PAWR: variants seen among roughly 807,000 people sequenced by gnomAD.
PAWR encodes pro-apoptotic WT1 regulator.
PAWR carries 23 observed loss-of-function variants against 32.0 expected under a neutral mutation model. That is an observed-to-expected ratio of 0.72 (90% CI 0.52 to 1.02). The LOEUF (loss-of-function observed/expected upper bound fraction) is 1.02, where lower values mean the gene tolerates loss of function less well. Ranked by LOEUF, PAWR falls within the 50% of genes least tolerant of loss-of-function variation. PAWR has a pLI of 0.00. For synonymous variants in PAWR, 226 were observed against 187.1 expected (o/e 1.21, Z -1.70); for missense variants, 457 against 437.7 (o/e 1.04, Z -0.39).
At chr12:79,608,502 A>G (rs1874296776) in intron 4 of PAWR, among the ~76,000 whole-genome samples, 1 of 152,094 alleles carries the variant, frequency 6.6e-6, no homozygotes, top group Non-Finnish European at 1.5e-5. Context: ...CTGACTGCTC[A>G]CCTCCTGCTG....
chr12:79,668,967 T>A (rs1877752565), intron 2 of PAWR, among the ~76,000 whole-genome samples: 1 of 152,244 alleles, frequency 6.6e-6, no homozygotes, highest in South Asian at 2.1e-4. Flanking sequence ...CTTCCAACTG[T>A]GTGCTGTTAT....
At chr12:79,639,881 T>TATTCCTATTCCTATTCCATTCC in intron 2 of PAWR, among the ~76,000 whole-genome samples, 10 of 112,540 alleles carry the variant, frequency 8.9e-5, no homozygotes, top group African/African-American at 4.0e-4. Context: ...TTCCTATTCC[T>TATTCCTATTCCTATTCCATTCC]ATTCCATTCC....
At chr12:79,668,644 G>C (rs928104203) in intron 2 of PAWR, among the ~76,000 whole-genome samples, 1 of 152,174 alleles carries the variant, frequency 6.6e-6, no homozygotes, top group Non-Finnish European at 1.5e-5. Context: ...TTCAAAAGAG[G>C]GTTCGTGTTC....
chr12:79,679,058 C>T (rs186213777), intron 2 of PAWR, among the ~76,000 whole-genome samples: 58 of 152,218 alleles, frequency 3.8e-4, no homozygotes, highest in African/African-American at 1.2e-3. Flanking sequence ...CCACTGTGCC[C>T]GGCCCATGGC....
At chr12:79,637,599 G>A (rs1337412702) in intron 2 of PAWR, among the ~76,000 whole-genome samples, 2 of 150,364 alleles carry the variant, frequency 1.3e-5, no homozygotes, top group African/African-American at 2.4e-5. Flanking sequence ...ATCTCTATGT[G>A]AAAAGAACTG....
chr12:79,586,230 T>C lies in PAWR; in HGVS notation c.*6377A>G, dbSNP rs1159047520. 4 of 152,622 alleles carry C rather than the reference T, an allele frequency of 2.6e-5. No homozygotes were observed. The highest frequency in any genetic ancestry group is 5.9e-5 in the Non-Finnish European group (4 of 68,048). 9.5% of individuals were successfully genotyped at this position (152,622 alleles called of 1,614,324 possible). ...CATACATAAAATGTTTAATGTGTTA[T>C]GGAAGGCTAACAGTTTTTCAACTTT... On this transcript the variant is annotated 3_prime_UTR_variant, in exon 7 of 7. Coordinates refer to ENST00000328827, the MANE Select transcript of PAWR (RefSeq NM_002583.4).
rs1235436728 is a variant in PAWR, at chr12:79,589,478, A to G, written c.*3129T>C. 6.6e-6 allele frequency: 1 copy of G among 152,112 alleles called. No individual in the cohort carries two copies. 9.4% of individuals were successfully genotyped at this position (152,112 alleles called of 1,614,324 possible). On this transcript the variant is annotated 3_prime_UTR_variant, in exon 7 of 7. Transcript: ENST00000328827. The stretch of plus-strand genomic sequence containing the variant: ...ATTAAAAATTTTTTAAACTGAAGAA[A>G]AAAAAAAACTACATTGCTCCACATA...
At chr12:79,621,017 A>T in intron 3 of PAWR, 59 bp downstream of exon 3, 1 of 1,296,620 alleles carries the variant, frequency 7.7e-7, no homozygotes, top group African/African-American at 1.5e-5. Flanking sequence ...CTCAAGAGGC[A>T]TAATTGAAAA....
At chr12:79,621,983 G>A (rs1355878454) in intron 2 of PAWR, among the ~76,000 whole-genome samples, 1 of 152,048 alleles carries the variant, frequency 6.6e-6, no homozygotes, top group African/African-American at 2.4e-5. Context: ...GTTTCTGCAT[G>A]AGAACTCACA....
chr12:79,590,482 T>C lies in PAWR; in HGVS notation c.*2125A>G, dbSNP rs1396336589. 6.6e-6 allele frequency: 1 copy of C among 152,214 alleles called. No homozygotes were observed. The highest frequency in any genetic ancestry group is 1.5e-5 in the Non-Finnish European group (1 of 68,052). The allele number at this position is 152,214 out of a possible 1,614,324, so 9.4% of individuals were successfully genotyped here. Reference sequence around the variant, plus strand: ...TCCCAAAGTGCTGGGATTACAGGCATGAGCCACTGCACCCAGCCTAATAAC... The same window carrying C: ...TCCCAAAGTGCTGGGATTACAGGCACGAGCCACTGCACCCAGCCTAATAAC... On this transcript the variant is annotated 3_prime_UTR_variant, in exon 7 of 7. Transcript: ENST00000328827.
chr12:79,671,793 G>A (rs1877915136), intron 2 of PAWR, among the ~76,000 whole-genome samples: 1 of 152,100 alleles, frequency 6.6e-6, no homozygotes, highest in Non-Finnish European at 1.5e-5. Context: ...GACACAGCCA[G>A]GCACAGTTGT....
At position 79,667,844 on chromosome 12, in the gene PAWR, C is replaced by T. The variant is rs185464337; in HGVS notation, c.516+21885G>A. 7 of 151,108 alleles carry T rather than the reference C, an allele frequency of 4.6e-5. No individual in the cohort carries two copies. The East Asian group carries it at 1.2e-3, about 25-fold the overall frequency. The allele number at this position is 151,108 out of a possible 1,614,324, so 9.4% of individuals were successfully genotyped here. On this transcript the variant is annotated intron_variant, in intron 2 of 6. Transcript: ENST00000328827. ...ATTAAAAATAACTGAAGCTAGTTAACATGTTCACACATAGGGTTGATAATA... is the reference window on the plus strand; with the variant it reads ...ATTAAAAATAACTGAAGCTAGTTAATATGTTCACACATAGGGTTGATAATA...
chr12:79,690,921 A>T lies in PAWR; in HGVS notation c.-197T>A, dbSNP rs1369085462. 6.6e-6 allele frequency: 1 copy of T among 151,510 alleles called. No individual in the cohort carries two copies. Among genetic ancestry groups the T allele is most frequent in the Non-Finnish European group, 1.5e-5 (1 of 68,082 alleles). The allele number at this position is 151,510 out of a possible 1,614,324, so 9.4% of individuals were successfully genotyped here. A position where few individuals can be genotyped will look rare whatever the true frequency, so the allele number is the denominator to read the frequency against. On this transcript the variant is annotated 5_prime_UTR_variant, in exon 1 of 7. Coordinates refer to ENST00000328827, the MANE Select transcript of PAWR (RefSeq NM_002583.4). ...GGCGTAGGGCTGGGATCCGGCTCCC[A>T]GGTGTGCCGAAGCTGGCGCGCGCTC...
chr12:79,596,397 C>A (rs931997583), intron 5 of PAWR, 114 bp downstream of exon 5: 1 of 587,594 alleles, frequency 1.7e-6, no homozygotes, highest in Non-Finnish European at 2.9e-6. Flanking sequence ...GGCAGAAAAG[C>A]GCACATATTA....
intron 2 of PAWR, among the ~76,000 whole-genome samples, chr12:79,671,245 T>C (rs1310120654): frequency 6.6e-6 from 1 of 152,124 alleles, no homozygotes; most frequent in African/African-American, 2.4e-5. Flanking sequence ...TGGAAAGTAC[T>C]AGACAACATA....
intron 2 of PAWR, among the ~76,000 whole-genome samples, chr12:79,634,864 T>A (rs1875885917): frequency 6.6e-6 from 1 of 152,112 alleles, no homozygotes; most frequent in Non-Finnish European, 1.5e-5. Flanking sequence ...TTTCTGTATG[T>A]TAACGTTTTT....
chr12:79,634,860 T>C (rs1314001604), intron 2 of PAWR, among the ~76,000 whole-genome samples: 2 of 152,148 alleles, frequency 1.3e-5, no homozygotes, highest in Admixed American at 6.6e-5. Flanking sequence ...TAGTTTTCTG[T>C]ATGTTAACGT....
At chr12:79,594,700 CGTGTGTGT>C (rs34121968) in intron 5 of PAWR, among the ~76,000 whole-genome samples, 1 of 148,486 alleles carries the variant, frequency 6.7e-6, no homozygotes, top group Admixed American at 6.8e-5. Context: ...GATTTAACCT[CGTGTGTGT>C]GTGTGTGTGT....
At chr12:79,690,445 A>ACC in intron 1 of PAWR, 54 bp from the exon 2 acceptor site, 2 of 1,149,544 alleles carry the variant, frequency 1.7e-6, no homozygotes, top group Non-Finnish European at 2.3e-6. Flanking sequence ...TCCCCGCCCG[A>ACC]CCCAAGGGTC....
Sources: allele counts gnomAD v4.1 joint callset (sites outside exome capture counted in the v4.1 genomes callset), GRCh38; gene constraint gnomAD v4.1.1; transcripts MANE v1.5; gene names NCBI Gene and HGNC (gene_info 2026-07-23, HGNC 2026-07-21).